The following PITPNC1 variants were observed in gnomAD, a reference collection of about 807,000 sequenced individuals.
PITPNC1 encodes the protein cytoplasmic phosphatidylinositol transfer protein 1.
PITPNC1 carries 18 observed loss-of-function variants against 44.7 expected under a neutral mutation model. The observed-to-expected ratio is 0.40, with a 90% CI of 0.28 to 0.60. PITPNC1 has a LOEUF of 0.60. Ranked by LOEUF, PITPNC1 falls within the 20% of genes least tolerant of loss-of-function variation. PITPNC1 has a pLI of 0.39. For synonymous variants in PITPNC1, 141 were observed against 149.6 expected (o/e 0.94, Z 0.42); for missense variants, 290 against 418.4 (o/e 0.69, Z 2.68).
At chr17:67,490,159 TG>T (rs1250913112) in intron 1 of PITPNC1, among the ~76,000 whole-genome samples, 1 of 130,576 alleles carries the variant, frequency 7.7e-6, no homozygotes, top group Non-Finnish European at 1.6e-5. Context: ...TGTGTGTGTG[TG>T]TTTTAATTAA....
intron 1 of PITPNC1, among the ~76,000 whole-genome samples, chr17:67,429,671 C>T (rs2038825792): frequency 6.7e-6 from 1 of 150,214 alleles, no homozygotes; most frequent in South Asian, 2.1e-4. Flanking sequence ...GCACTCCAGC[C>T]TGGATGAAAG....
intron 1 of PITPNC1, among the ~76,000 whole-genome samples, chr17:67,385,914 T>A (rs1169544308): frequency 6.6e-6 from 1 of 152,116 alleles, no homozygotes; most frequent in Non-Finnish European, 1.5e-5. Flanking sequence ...GTGACTTGGG[T>A]GGAAGTACCT....
At chr17:67,409,983 G>A (rs1392446622) in intron 1 of PITPNC1, among the ~76,000 whole-genome samples, 3 of 152,138 alleles carry the variant, frequency 2.0e-5, no homozygotes, top group Non-Finnish European at 2.9e-5. Flanking sequence ...TCACTTGAAC[G>A]TGCGTGCGTG....
At chr17:67,573,043 A>T (rs2041084476) in intron 4 of PITPNC1, among the ~76,000 whole-genome samples, 1 of 152,188 alleles carries the variant, frequency 6.6e-6, no homozygotes, top group African/African-American at 2.4e-5. Flanking sequence ...TGGCCTCCAG[A>T]ACTGTGAGAG....
At chr17:67,395,919 T>G (rs958959192) in intron 1 of PITPNC1, among the ~76,000 whole-genome samples, 75 of 152,212 alleles carry the variant, frequency 4.9e-4, no homozygotes, top group Non-Finnish European at 1.5e-4. Flanking sequence ...TGCTCATTTT[T>G]TAATATTATG....
At chr17:67,486,282 A>G (rs2039776998) in intron 1 of PITPNC1, among the ~76,000 whole-genome samples, 1 of 152,172 alleles carries the variant, frequency 6.6e-6, no homozygotes, top group Admixed American at 6.5e-5. Flanking sequence ...TGAACACTCA[A>G]TATATATTGA....
At chr17:67,684,368 C>T (rs1753508582) in intron 8 of PITPNC1, among the ~76,000 whole-genome samples, 1 of 152,028 alleles carries the variant, frequency 6.6e-6, no homozygotes, top group Non-Finnish European at 1.5e-5. Context: ...CCATCTCGGC[C>T]TCCCAAAGTG....
intron 8 of PITPNC1, among the ~76,000 whole-genome samples, chr17:67,681,157 T>C (rs1283513925): frequency 6.6e-6 from 1 of 152,252 alleles, no homozygotes; most frequent in Non-Finnish European, 1.5e-5. Context: ...TTCAAACATA[T>C]GATCTTGCCT....
At chr17:67,462,024 T>A (rs989078415) in intron 1 of PITPNC1, among the ~76,000 whole-genome samples, 1 of 152,068 alleles carries the variant, frequency 6.6e-6, no homozygotes. Flanking sequence ...GCTCCAGGTC[T>A]CTCTGGGTAA....
At chr17:67,659,060 TTCA>T (rs2042307677) in intron 6 of PITPNC1, among the ~76,000 whole-genome samples, 1 of 152,236 alleles carries the variant, frequency 6.6e-6, no homozygotes, top group Admixed American at 6.5e-5. Context: ...TTTCCTTGTT[TTCA>T]GCTTTCAGGC....
intron 1 of PITPNC1, among the ~76,000 whole-genome samples, chr17:67,515,808 T>C (rs1260451891): frequency 1.3e-5 from 2 of 152,192 alleles, no homozygotes; most frequent in Non-Finnish European, 2.9e-5. Context: ...TTTGGAAACA[T>C]TCAAATCCAA....
intron 1 of PITPNC1, among the ~76,000 whole-genome samples, chr17:67,386,563 A>T (rs1433650080): frequency 1.3e-5 from 2 of 152,174 alleles, no homozygotes; most frequent in Non-Finnish European, 2.9e-5. Context: ...ATGTGTAGGT[A>T]TGAGATGGGG....
At chr17:67,382,684 G>GC (rs2143778942) in intron 1 of PITPNC1, among the ~76,000 whole-genome samples, 2 of 152,128 alleles carry the variant, frequency 1.3e-5, no homozygotes, top group Middle Eastern at 3.4e-3. Context: ...GAGTGCAGTG[G>GC]GATGATTTCG....
chr17:67,499,326 C>T (rs1017691893), intron 1 of PITPNC1, among the ~76,000 whole-genome samples: 4 of 152,004 alleles, frequency 2.6e-5, no homozygotes, highest in Non-Finnish European at 5.9e-5. Context: ...GTGATCCTGC[C>T]ACCTTAGCCT....
chr17:67,527,678 G>A (rs1311402468), intron 1 of PITPNC1, among the ~76,000 whole-genome samples: 1 of 151,746 alleles, frequency 6.6e-6, no homozygotes, highest in Non-Finnish European at 1.5e-5. Flanking sequence ...TCCAGCCTGG[G>A]AGACAGAGCG....
chr17:67,672,483 C>T (rs1387414400), intron 7 of PITPNC1, among the ~76,000 whole-genome samples: 1 of 151,686 alleles, frequency 6.6e-6, no homozygotes, highest in Non-Finnish European at 1.5e-5. Flanking sequence ...ACTGTAGTCC[C>T]AGCTACTCCA....
At chr17:67,634,880 C>G (rs2042015505) in intron 6 of PITPNC1, among the ~76,000 whole-genome samples, 1 of 152,092 alleles carries the variant, frequency 6.6e-6, no homozygotes, top group Non-Finnish European at 1.5e-5. Flanking sequence ...GAATGAAACC[C>G]CAACTCTACT....
At chr17:67,659,208 T>C (rs982466672) in intron 6 of PITPNC1, among the ~76,000 whole-genome samples, 2 of 152,210 alleles carry the variant, frequency 1.3e-5, no homozygotes, top group African/African-American at 4.8e-5. Context: ...TACCTGTTGC[T>C]GAGCAACAGC....
At chr17:67,413,839 T>C (rs577465509) in intron 1 of PITPNC1, among the ~76,000 whole-genome samples, 1 of 152,228 alleles carries the variant, frequency 6.6e-6, no homozygotes, top group Admixed American at 6.5e-5. Flanking sequence ...CAGGACCTCA[T>C]AAGAAAATGT....
Sources: gnomAD v4.1 joint callset for allele counts (sites outside exome capture counted in the v4.1 genomes callset) on GRCh38, gnomAD v4.1.1 for gene constraint, MANE v1.5 for transcripts, NCBI Gene and HGNC (gene_info 2026-07-23, HGNC 2026-07-21) for gene names.